Variants in RBMS3 observed in about 807,000 individuals in gnomAD.
RBMS3 encodes the protein RNA-binding motif, single-stranded-interacting protein 3.
RBMS3 carries 27 observed loss-of-function variants against 66.8 expected under a neutral mutation model. The observed-to-expected ratio is 0.40, with a 90% CI of 0.30 to 0.56. RBMS3 has a LOEUF of 0.56. RBMS3 is among the 20% of genes least tolerant of loss of function. The pLI is 0.40. For missense variants in RBMS3, 513 were observed against 549.5 expected (o/e 0.93, Z 0.66); for synonymous variants, 188 against 183.0 (o/e 1.03, Z -0.22).
At chr3:29,729,216 C>T (rs949808231) in intron 4 of RBMS3, among the ~76,000 whole-genome samples, 1 of 147,578 alleles carries the variant, frequency 6.8e-6, no homozygotes, top group Non-Finnish European at 1.5e-5. Flanking sequence ...TGTTCAGTTC[C>T]CACCTATGAG....
At chr3:29,607,605 CA>C (rs1479369147) in intron 4 of RBMS3, among the ~76,000 whole-genome samples, 1 of 151,928 alleles carries the variant, frequency 6.6e-6, no homozygotes, top group African/African-American at 2.4e-5. Flanking sequence ...AGCAGCTGTA[CA>C]ATTGGCAAAA....
chr3:29,341,923 A>G (rs2036301984), intron 1 of RBMS3, among the ~76,000 whole-genome samples: 1 of 152,136 alleles, frequency 6.6e-6, no homozygotes, highest in Non-Finnish European at 1.5e-5. Context: ...ACTGGATTTC[A>G]TTTAATTGGA....
chr3:29,736,986 GT>G (rs376248361), intron 4 of RBMS3, among the ~76,000 whole-genome samples: 4 of 148,896 alleles, frequency 2.7e-5, no homozygotes, highest in Non-Finnish European at 6.0e-5. Flanking sequence ...AACACAAAGT[GT>G]TTTTTTTTTG....
chr3:29,833,428 C>T lies in RBMS3; in HGVS notation c.638-35430C>T, dbSNP rs78108299. ...TGTGCTACAAGAAAACACAGAAAAG[C>T]AACTAAATGATATCAGAAAAAAATA... On this transcript the variant is annotated intron_variant, in intron 6 of 14. Coordinates refer to ENST00000383767, the MANE Select transcript of RBMS3 (RefSeq NM_001003793.3). 2.2e-3 allele frequency among the ~76,000 whole-genome samples: 331 copies of T among 151,812 alleles called. 1 individual carries two copies. Among genetic ancestry groups the T allele is most frequent in the African/African-American group, 7.1e-3 (295 of 41,420 alleles).
intron 1 of RBMS3, among the ~76,000 whole-genome samples, chr3:29,313,913 G>A (rs1006637769): frequency 1.3e-5 from 2 of 151,704 alleles, no homozygotes; most frequent in Non-Finnish European, 3.0e-5. Context: ...TTCGGGATGA[G>A]TGGAGAGTAG....
At chr3:29,635,717 A>G (rs2049449024) in intron 4 of RBMS3, among the ~76,000 whole-genome samples, 1 of 151,934 alleles carries the variant, frequency 6.6e-6, no homozygotes, top group South Asian at 2.1e-4. Flanking sequence ...CTGGGGTTAC[A>G]TATTGATCAA....
intron 4 of RBMS3, among the ~76,000 whole-genome samples, chr3:29,689,452 A>C (rs1483075657): frequency 6.6e-6 from 1 of 152,150 alleles, no homozygotes; most frequent in East Asian, 1.9e-4. Flanking sequence ...GAATATTTAA[A>C]ATTGGGCTGA....
chr3:29,695,077 A>T (rs943410990), intron 4 of RBMS3, among the ~76,000 whole-genome samples: 1 of 152,234 alleles, frequency 6.6e-6, no homozygotes, highest in South Asian at 2.1e-4. Flanking sequence ...TTTTTTTTAA[A>T]CAACACTTTT....
intron 3 of RBMS3, among the ~76,000 whole-genome samples, chr3:29,506,994 T>C (rs1462677304): frequency 6.6e-6 from 1 of 150,936 alleles, no homozygotes; most frequent in Non-Finnish European, 1.5e-5. Context: ...AGCTAAAGGT[T>C]TGTCAATTTT....
intron 12 of RBMS3, among the ~76,000 whole-genome samples, chr3:29,975,231 AAT>A (rs1697506369): frequency 6.6e-6 from 1 of 150,420 alleles, no homozygotes; most frequent in South Asian, 2.1e-4. Flanking sequence ...TTTTACTTTA[AAT>A]ATGTTATACT....
At chr3:29,511,226 G>T (rs567475081) in intron 3 of RBMS3, among the ~76,000 whole-genome samples, 141 of 152,280 alleles carry the variant, frequency 9.3e-4, no homozygotes, top group African/African-American at 3.2e-3. Context: ...GAACCCAGGA[G>T]CAGAGGTTAC....
chr3:29,662,807 A>G (rs2050607569), intron 4 of RBMS3, among the ~76,000 whole-genome samples: 1 of 152,220 alleles, frequency 6.6e-6, no homozygotes, highest in Non-Finnish European at 1.5e-5. Context: ...GCCACCAATG[A>G]TTTGGTAATA....
chr3:29,301,253 A>T (rs1003975112), intron 1 of RBMS3, among the ~76,000 whole-genome samples: 15 of 152,038 alleles, frequency 9.9e-5, no homozygotes, highest in African/African-American at 3.6e-4. Context: ...AGCTACAATT[A>T]TAGAGAGTGA....
chr3:29,740,998 G>A (rs1205928881), intron 5 of RBMS3, among the ~76,000 whole-genome samples: 6 of 146,490 alleles, frequency 4.1e-5, no homozygotes, highest in South Asian at 2.1e-4. Context: ...CCGAGATCGC[G>A]CCACTATACT....
intron 4 of RBMS3, among the ~76,000 whole-genome samples, chr3:29,693,858 G>C (rs2052149401): frequency 6.6e-6 from 1 of 152,072 alleles, no homozygotes; most frequent in Non-Finnish European, 1.5e-5. Flanking sequence ...CTCTTAGCTA[G>C]GTTGGAAATA....
chr3:29,537,682 G>A (rs1317365444), intron 3 of RBMS3: 1 of 152,220 alleles, frequency 6.6e-6, no homozygotes, highest in Non-Finnish European at 1.5e-5. Flanking sequence ...AATTAGCCGG[G>A]CGTGGCGGCC....
At chr3:29,625,739 A>T (rs6773926) in intron 4 of RBMS3, among the ~76,000 whole-genome samples, 29,536 of 150,110 alleles carry the variant, frequency 0.2, 3,219 homozygotes, top group Middle Eastern at 0.24. Context: ...TAAATAAATA[A>T]AAATAATCTT....
chr3:29,571,340 C>T (rs2046946230), intron 3 of RBMS3, among the ~76,000 whole-genome samples: 1 of 151,942 alleles, frequency 6.6e-6, no homozygotes, highest in Non-Finnish European at 1.5e-5. Context: ...GAGATCCCAT[C>T]TGTCCGTTTT....
intron 12 of RBMS3, among the ~76,000 whole-genome samples, chr3:29,974,366 C>T (rs1577291698): frequency 6.6e-6 from 1 of 151,832 alleles, no homozygotes; most frequent in Admixed American, 6.6e-5. Context: ...TAATTGTATC[C>T]TTTTGAATGA....
Sources: allele counts gnomAD v4.1 joint callset (sites outside exome capture counted in the v4.1 genomes callset), GRCh38; gene constraint gnomAD v4.1.1; transcripts MANE v1.5; gene names NCBI Gene and HGNC (gene_info 2026-07-23, HGNC 2026-07-21).